Variants in CSMD3 observed in about 807,000 individuals in gnomAD.
The protein encoded by CSMD3 is CUB and Sushi multiple domains 3, also known as CUB and sushi domain-containing protein 3.
Under a neutral mutation model 435.2 loss-of-function variants are expected in CSMD3, and 177 were observed. The observed-to-expected ratio is 0.41, with a 90% confidence interval of 0.36 to 0.46. CSMD3 has a LOEUF of 0.46. Ranked by LOEUF, CSMD3 falls within the 20% of genes least tolerant of loss-of-function variation. CSMD3 has a pLI of 0.34. For missense variants in CSMD3, 4,265 were observed against 4,504.6 expected (o/e 0.95, Z 1.52); for synonymous variants, 1,656 against 1,520.5 (o/e 1.09, Z -2.07).
intron 21 of CSMD3, 39 bp downstream of exon 21, chr8:112,638,657 A>T (rs2131587980): frequency 7.9e-7 from 1 of 1,271,700 alleles, no homozygotes; most frequent in Non-Finnish European, 1.1e-6. Context: ...GCTTTTTTAA[A>T]AGTTACTGAA....
intron 10 of CSMD3, among the ~76,000 whole-genome samples, chr8:112,881,759 A>G (rs1247287478): frequency 6.6e-6 from 1 of 151,986 alleles, no homozygotes; most frequent in Non-Finnish European, 1.5e-5. Flanking sequence ...GGCATTCAAG[A>G]CCTTTACAAA....
intron 32 of CSMD3, among the ~76,000 whole-genome samples, chr8:112,462,775 C>A (rs1304972628): frequency 6.6e-6 from 1 of 152,196 alleles, no homozygotes; most frequent in African/African-American, 2.4e-5. Flanking sequence ...CCCCACCACT[C>A]CTCCTTCCCC....
At chr8:112,698,647 C>CAGAAGG (rs2076312873) in intron 13 of CSMD3, among the ~76,000 whole-genome samples, 2 of 152,092 alleles carry the variant, frequency 1.3e-5, no homozygotes, top group African/African-American at 4.8e-5. Flanking sequence ...GCTCCATTGG[C>CAGAAGG]TATTCTGGTG....
At chr8:113,403,165 C>T (rs536391954) in intron 1 of CSMD3, among the ~76,000 whole-genome samples, 8 of 151,182 alleles carry the variant, frequency 5.3e-5, no homozygotes, top group Non-Finnish European at 1.2e-4. Context: ...TAGGATTCAT[C>T]GTAGTTTTTT....
chr8:112,568,476 T>A (rs976582652), intron 24 of CSMD3, among the ~76,000 whole-genome samples: 5 of 150,246 alleles, frequency 3.3e-5, no homozygotes, highest in Non-Finnish European at 7.4e-5. Flanking sequence ...GCGCCTGTAA[T>A]CCTAGCTACT....
intron 45 of CSMD3, among the ~76,000 whole-genome samples, chr8:112,329,091 T>G (rs900861623): frequency 6.6e-6 from 1 of 152,178 alleles, no homozygotes; most frequent in Non-Finnish European, 1.5e-5. Flanking sequence ...CTTCTCCGCA[T>G]GCAGACAGCT....
chr8:113,187,679 AAG>A (rs951036320), intron 3 of CSMD3, among the ~76,000 whole-genome samples: 3 of 152,024 alleles, frequency 2.0e-5, no homozygotes, highest in Non-Finnish European at 4.4e-5. Context: ...AAAAAAGAGA[AAG>A]AGAGTGAAAT....
At chr8:112,365,960 C>T (rs1343778131) in intron 38 of CSMD3, among the ~76,000 whole-genome samples, 6 of 152,282 alleles carry the variant, frequency 3.9e-5, no homozygotes, top group East Asian at 1.9e-4. Flanking sequence ...AGATCAGCTG[C>T]AGACGAGAAC....
In CSMD3 at chr8:112,956,017, T is replaced by G. The variant is rs57163953; in HGVS notation, c.1343-1256A>C. On this transcript the variant is annotated intron_variant, in intron 7 of 70. Coordinates refer to ENST00000297405, the MANE Select transcript of CSMD3 (RefSeq NM_198123.2). ...GATAGTAGAGAAAGGGCCTGATGGT[T>G]TATGTGAATATAAGATATGAACTAT... Among the ~76,000 whole-genome samples, 539 of 152,058 alleles carry G rather than the reference T, an allele frequency of 3.5e-3. 3 individuals carry two copies. The highest frequency in any genetic ancestry group is 0.012 in the African/African-American group (503 of 41,554).
intron 64 of CSMD3, 44 bp downstream of exon 64, chr8:112,246,976 A>C (rs2130151787): frequency 7.4e-7 from 1 of 1,352,918 alleles, no homozygotes; most frequent in South Asian, 1.2e-5. Flanking sequence ...AATGCATATA[A>C]ATTCTTACCC....
chr8:113,277,305 G>C (rs2093579054), intron 3 of CSMD3, among the ~76,000 whole-genome samples: 1 of 151,916 alleles, frequency 6.6e-6, no homozygotes, highest in African/African-American at 2.4e-5. Context: ...CTATCACCGT[G>C]GAGGAAATTA....
intron 3 of CSMD3, among the ~76,000 whole-genome samples, chr8:113,252,189 T>A (rs1040448641): frequency 6.6e-6 from 1 of 152,108 alleles, no homozygotes; most frequent in African/African-American, 2.4e-5. Context: ...CCCTTCTCTC[T>A]CTCTACATGT....
intron 41 of CSMD3, among the ~76,000 whole-genome samples, chr8:112,344,081 A>G (rs1188506236): frequency 2.0e-5 from 3 of 151,956 alleles, no homozygotes; most frequent in Non-Finnish European, 4.4e-5. Flanking sequence ...ATGAGGTTTC[A>G]CCATGTTAGC....
intron 3 of CSMD3, among the ~76,000 whole-genome samples, chr8:113,241,089 C>T (rs2093209908): frequency 6.6e-6 from 1 of 152,080 alleles, no homozygotes; most frequent in Non-Finnish European, 1.5e-5. Flanking sequence ...TTTCTCTTTT[C>T]TTTATTCAAG....
At chr8:113,383,274 G>A (rs1220091238) in intron 1 of CSMD3, among the ~76,000 whole-genome samples, 3 of 152,010 alleles carry the variant, frequency 2.0e-5, no homozygotes, top group African/African-American at 4.8e-5. Flanking sequence ...AATAATAAGA[G>A]GATTAAGCAA....
chr8:112,837,538 T>C (rs1441845108), intron 11 of CSMD3, among the ~76,000 whole-genome samples: 1 of 151,812 alleles, frequency 6.6e-6, no homozygotes, highest in Non-Finnish European at 1.5e-5. Context: ...GGTTGAAATA[T>C]GTATTACAAT....
chr8:113,408,044 C>T (rs191480684), intron 1 of CSMD3, among the ~76,000 whole-genome samples: 1 of 152,008 alleles, frequency 6.6e-6, no homozygotes, highest in Non-Finnish European at 1.5e-5. Flanking sequence ...TTTTTTTAAA[C>T]CTTTAAACAA....
chr8:113,275,702 A>T (rs570371855), intron 3 of CSMD3, among the ~76,000 whole-genome samples: 1 of 152,146 alleles, frequency 6.6e-6, no homozygotes, highest in Admixed American at 6.6e-5. Context: ...AAATATTTTT[A>T]AAAATACAGG....
chr8:112,368,500 C>G (rs2131161425), intron 38 of CSMD3, among the ~76,000 whole-genome samples: 1 of 152,282 alleles, frequency 6.6e-6, no homozygotes, highest in Non-Finnish European at 1.5e-5. Context: ...CACCATTTTG[C>G]AATTGCTCTA....
Sources: allele counts gnomAD v4.1 joint callset (sites outside exome capture counted in the v4.1 genomes callset), GRCh38; gene constraint gnomAD v4.1.1; transcripts MANE v1.5; gene names NCBI Gene and HGNC (gene_info 2026-07-23, HGNC 2026-07-21).